EPM2A: variants seen among roughly 807,000 people sequenced by gnomAD.
EPM2A encodes laforin.
EPM2A carries 21 observed loss-of-function variants against 26.5 expected under a neutral mutation model. The observed-to-expected ratio is 0.79, with a 90% CI of 0.56 to 1.14. The LOEUF (loss-of-function observed/expected upper bound fraction) is 1.14, where lower values mean the gene tolerates loss of function less well. EPM2A is among the 50% of genes most tolerant of loss of function. EPM2A has a pLI of 0.00. For missense variants in EPM2A, 458 were observed against 440.8 expected (o/e 1.04, Z -0.35); for synonymous variants, 217 against 177.6 (o/e 1.22, Z -1.76).
chr6:145,469,938 T>A (rs1779451737), intron 4 of EPM2A, among the ~76,000 whole-genome samples: 1 of 152,162 alleles, frequency 6.6e-6, no homozygotes, highest in African/African-American at 2.4e-5. Context: ...AAACTTTGCA[T>A]GTTCTCATGT....
chr6:145,635,031 A>G, intron 3 of EPM2A: 1 of 530,036 alleles, frequency 1.9e-6, no homozygotes, highest in Non-Finnish European at 3.3e-6. Context: ...TACATACACA[A>G]TAAATATGTG....
chr6:145,441,489 T>C (rs1158180657), intron 4 of EPM2A, among the ~76,000 whole-genome samples: 1 of 152,256 alleles, frequency 6.6e-6, no homozygotes, highest in Non-Finnish European at 1.5e-5. Context: ...CTTGAATTTC[T>C]CCTCAGAAAA....
At chr6:145,572,637 G>T (rs1051020868) in intron 2 of EPM2A, among the ~76,000 whole-genome samples, 34 of 152,238 alleles carry the variant, frequency 2.2e-4, no homozygotes, top group Admixed American at 5.9e-4. Context: ...AAAACGGCAG[G>T]GCTTTGTACC....
At chr6:145,564,949 T>C (rs958394901) in intron 2 of EPM2A, among the ~76,000 whole-genome samples, 6 of 152,276 alleles carry the variant, frequency 3.9e-5, no homozygotes, top group African/African-American at 1.4e-4. Context: ...CTATAGGGCT[T>C]GGGCAGTTCT....
At chr6:145,648,991 T>C (rs1267703221) in intron 2 of EPM2A, among the ~76,000 whole-genome samples, 1 of 152,246 alleles carries the variant, frequency 6.6e-6, no homozygotes, top group African/African-American at 2.4e-5. Flanking sequence ...CATTTAAGCA[T>C]TTCTTCAAGT....
At chr6:145,434,266 C>CT (rs1202125248) in intron 4 of EPM2A, among the ~76,000 whole-genome samples, 3,597 of 141,206 alleles carry the variant, frequency 0.025, 160 homozygotes, top group African/African-American at 0.087. Context: ...CTCTCTCTCT[C>CT]TTTTTTTTTT....
intron 2 of EPM2A, among the ~76,000 whole-genome samples, chr6:145,595,179 G>C (rs577628222): frequency 9.2e-5 from 14 of 151,738 alleles, no homozygotes; most frequent in Non-Finnish European, 1.6e-4. Context: ...GTTTTCAAGT[G>C]TATTGTTAAT....
downstream of EPM2A, among the ~76,000 whole-genome samples, chr6:145,498,608 C>T (rs574145172): frequency 2.0e-5 from 3 of 152,316 alleles, no homozygotes; most frequent in Non-Finnish European, 2.9e-5. Flanking sequence ...CCACTTCCCT[C>T]GGTAGGGGAG....
At chr6:145,622,699 T>C (rs1012811545), downstream of EPM2A, among the ~76,000 whole-genome samples, 2 of 152,148 alleles carry the variant, frequency 1.3e-5, no homozygotes, top group African/African-American at 4.8e-5. Context: ...GAAGCTAGAA[T>C]AGCGGCATGG....
intron 3 of EPM2A, chr6:145,630,177 C>T (rs1349357082): frequency 6.6e-6 from 1 of 152,262 alleles, no homozygotes. Context: ...TGTCAGCTAA[C>T]ATGCAGAAGC....
chr6:145,676,569 G>C (rs1323630464), intron 2 of EPM2A, among the ~76,000 whole-genome samples: 1 of 151,652 alleles, frequency 6.6e-6, no homozygotes, highest in African/African-American at 2.4e-5. Context: ...GAAACAAATA[G>C]ACACAACAAA....
chr6:145,535,760 A>C (rs390252), intron 2 of EPM2A, among the ~76,000 whole-genome samples: 1 of 152,090 alleles, frequency 6.6e-6, no homozygotes, highest in African/African-American at 2.4e-5. Context: ...AAATTAAATT[A>C]AGTAAAAATG....
chr6:145,637,411 T>A (rs1168549649), intron 2 of EPM2A: 2 of 152,134 alleles, frequency 1.3e-5, no homozygotes, highest in African/African-American at 4.8e-5. Flanking sequence ...AATTATCTCA[T>A]AAGATCTGGC....
intron 2 of EPM2A, among the ~76,000 whole-genome samples, chr6:145,531,368 C>T (rs1440344898): frequency 6.6e-6 from 1 of 152,042 alleles, no homozygotes; most frequent in African/African-American, 2.4e-5. Flanking sequence ...AAAATATGCT[C>T]AAAACACAGA....
At chr6:145,544,249 G>A (rs750529670) in intron 2 of EPM2A, among the ~76,000 whole-genome samples, 1 of 152,140 alleles carries the variant, frequency 6.6e-6, no homozygotes, top group Non-Finnish European at 1.5e-5. Context: ...TTGCTAAGCC[G>A]CATTGGCTGC....
Position 145,491,348 on chromosome 6 carries a change from A to T in EPM2A, c.555+11174T>A, listed in dbSNP as rs972641891. On this transcript the variant is annotated intron_variant, in intron 4 of 4. Transcript: ENST00000638717. ...ATGCAGGTGAGCGGGCGCAGGAGTCAGGGCAAGTGCTTTTGGGTGCTGGCA... is the reference window on the plus strand; with the variant it reads ...ATGCAGGTGAGCGGGCGCAGGAGTCTGGGCAAGTGCTTTTGGGTGCTGGCA... Among the ~76,000 whole-genome samples the T allele has an allele frequency of 2.6e-5, 4 of 152,134 alleles. 1 individual carries two copies.
At chr6:145,552,637 T>C (rs147189495) in intron 2 of EPM2A, among the ~76,000 whole-genome samples, 271 of 152,270 alleles carry the variant, frequency 1.8e-3, no homozygotes, top group African/African-American at 6.0e-3. Flanking sequence ...AAAGGAATCA[T>C]GTGCAAATAT....
At chr6:145,564,189 A>C (rs1780848248) in intron 2 of EPM2A, among the ~76,000 whole-genome samples, 1 of 152,254 alleles carries the variant, frequency 6.6e-6, no homozygotes, top group Non-Finnish European at 1.5e-5. Context: ...CAGTTGATTG[A>C]ATCCATGAAT....
intron 4 of EPM2A, among the ~76,000 whole-genome samples, chr6:145,428,342 G>A (rs766432266): frequency 1.1e-4 from 17 of 151,832 alleles, no homozygotes; most frequent in Non-Finnish European, 2.2e-4. Flanking sequence ...GCCTTCATAT[G>A]CTCTGACATT....
Sources: gnomAD v4.1 joint callset for allele counts (sites outside exome capture counted in the v4.1 genomes callset) on GRCh38, gnomAD v4.1.1 for gene constraint, MANE v1.5 for transcripts, NCBI Gene and HGNC (gene_info 2026-07-23, HGNC 2026-07-21) for gene names.